OR10V1: variants seen among roughly 807,000 people sequenced by gnomAD.
The protein encoded by OR10V1 is olfactory receptor family 10 subfamily V member 1, also known as olfactory receptor 10V1.
For synonymous variants in OR10V1, 139 were observed against 148.2 expected, an observed-to-expected ratio of 0.94 and a Z score of 0.45; for missense variants, 391 against 378.8, an observed-to-expected ratio of 1.03 and a Z score of -0.27.
chr11:59,712,933 C>T lies in OR10V1; in HGVS notation c.913G>A (p.Ala305Thr), dbSNP rs779773134. 12 of 1,611,700 alleles carry T rather than the reference C, an allele frequency of 7.4e-6. No individual in the cohort carries two copies. In the Admixed American group the frequency reaches 1.0e-4, roughly 13 times the overall value. ...CATCCTACCTAGAATTTTCTCAATG[C>T]TTTCCTTAGGGCATCTTTCAGTTCC... ...NKELKDALRK[A>T]LRKF Residue 305 changes from alanine to threonine, a missense_variant, in exon 1 of 1, where the codon GCA becomes ACA. Coordinates refer to ENST00000307552, the MANE Select transcript of OR10V1 (RefSeq NM_001005324.1).
At position 59,713,744 on chromosome 11, in the gene OR10V1, C is replaced by G. The variant is rs775180802; in HGVS notation, c.102G>C (p.Met34Ile). ...CATTTCCACCGAGGCTGGTCAGATACATCATCAGGAAGACCACAAAAATCA... is the reference window on the plus strand; with the variant it reads ...CATTTCCACCGAGGCTGGTCAGATAGATCATCAGGAAGACCACAAAAATCA... ...QMLIFVVFLM[M>I]YLTSLGGNAT... Residue 34 changes from methionine to isoleucine, a missense_variant, in exon 1 of 1, where the codon ATG becomes ATC. Met to Ile is a conservative substitution (Grantham distance 10). Transcript: ENST00000307552. The G allele has an allele frequency of 6.2e-7, 1 of 1,614,146 alleles. No homozygotes were observed. The highest frequency in any genetic ancestry group is 8.5e-7 in the Non-Finnish European group (1 of 1,180,000).
chr11:59,712,931 T>G lies in OR10V1; in HGVS notation c.915A>C (p.Ala305=). The change falls in exon 1 of 1, where the codon GCA becomes GCC. Residue 305 remains alanine, a synonymous_variant. Coordinates refer to ENST00000307552, the MANE Select transcript of OR10V1 (RefSeq NM_001005324.1). ...ATCATCCTACCTAGAATTTTCTCAA[T>G]GCTTTCCTTAGGGCATCTTTCAGTT... The part of the protein sequence containing the change: ...NKELKDALRK[A]LRKF The G allele has an allele frequency of 3.7e-6, 6 of 1,611,862 alleles. No homozygotes were observed. The highest frequency in any genetic ancestry group is 5.1e-6 in the Non-Finnish European group (6 of 1,178,582).
At position 59,713,476 on chromosome 11, in the gene OR10V1, A is replaced by G. The variant is rs751019298; in HGVS notation, c.370T>C (p.Phe124Leu). 1 of 1,613,684 alleles carries G rather than the reference A, an allele frequency of 6.2e-7. No individual in the cohort carries two copies. The highest frequency in any genetic ancestry group is 8.5e-7 in the Non-Finnish European group (1 of 1,179,818). ...CGCAGAGGGTGACAGATCGCTATAA[A>G]CTGGTCATAAGCCATGACTACCAGC... is the stretch of plus-strand genomic sequence containing the variant. The part of the protein sequence containing the change: ...VLLVVMAYDQ[F>L]IAICHPLRYR... The change falls in exon 1 of 1, where the codon TTT becomes CTT. Residue 124 changes from phenylalanine to leucine, a missense_variant. Coordinates refer to ENST00000307552, the MANE Select transcript of OR10V1 (RefSeq NM_001005324.1).
Position 59,712,930 on chromosome 11 carries a change from A to G in OR10V1, c.916T>C (p.Leu306=), listed in dbSNP as rs1028857858. ...KELKDALRKA[L]RKF is the part of the protein sequence containing the mutation. ...GATCATCCTACCTAGAATTTTCTCA[A>G]TGCTTTCCTTAGGGCATCTTTCAGT... is the stretch of plus-strand genomic sequence containing the variant. Residue 306 remains leucine, a synonymous_variant, in exon 1 of 1, where the codon TTG becomes CTG. Transcript: ENST00000307552. 1.2e-6 allele frequency: 2 copies of G among 1,611,544 alleles called. No homozygotes were observed. The highest frequency in any genetic ancestry group is 1.6e-4 in the Middle Eastern group (1 of 6,064).
rs1862199257 is a variant in OR10V1 at position 59,713,342 on chromosome 11, T to C, written c.504A>G (p.Pro168=). 3 of 1,613,794 alleles carry C rather than the reference T, an allele frequency of 1.9e-6. No homozygotes were observed. The highest frequency in any genetic ancestry group is 1.7e-6 in the Non-Finnish European group (2 of 1,179,968). The change falls in exon 1 of 1, where the codon CCA becomes CCG. Residue 168 remains proline (P), a synonymous_variant. Transcript: ENST00000307552. ...LPLTILIFHL[P]FCHNDEIYHF... is the part of the protein sequence containing the mutation. Reference sequence around the variant, plus strand: ...GGTAGATCTCATCATTGTGGCAGAATGGGAGATGGAAGATTAAAATGGTGA... The same window carrying C: ...GGTAGATCTCATCATTGTGGCAGAACGGGAGATGGAAGATTAAAATGGTGA...
chr11:59,712,971 C>A lies in OR10V1; in HGVS notation c.875G>T (p.Ser292Ile). The part of the protein sequence containing the change: ...ITPILNPLIY[S>I]LRNKELKDAL... The stretch of plus-strand genomic sequence containing the variant: ...ATCTTTCAGTTCCTTGTTCCTCAAA[C>A]TATAGATCAAGGGGTTTAAAATGGG... The change falls in exon 1 of 1, where the codon AGT becomes ATT. Residue 292 changes from serine (S) to isoleucine (I), a missense_variant. Physicochemically the swap from Ser to Ile is moderately radical, Grantham distance 142 (BLOSUM62 -2). Coordinates refer to ENST00000307552, the MANE Select transcript of OR10V1 (RefSeq NM_001005324.1). The A allele has an allele frequency of 6.2e-7, 1 of 1,614,024 alleles. No individual in the cohort carries two copies.
Position 59,713,407 on chromosome 11 carries a change from C to T in OR10V1, c.439G>A (p.Val147Ile). Residue 147 changes from valine to isoleucine, a missense_variant, in exon 1 of 1, where the codon GTA becomes ATA. Val to Ile is a conservative substitution (Grantham distance 29). Coordinates refer to ENST00000307552, the MANE Select transcript of OR10V1 (RefSeq NM_001005324.1). ...MSWSLCVELL[V>I]GSLVLGFLLS... ...AGGAACCCCAGCACCAAGGAGCCTA[C>T]CAGCAGCTCCACACACAAGGACCAG... 1 of 1,613,820 alleles carries T rather than the reference C, an allele frequency of 6.2e-7. No homozygotes were observed.
In OR10V1 at chr11:59,713,688, T is replaced by A. The variant is rs145333799; in HGVS notation, c.158A>T (p.His53Leu). The A allele has an allele frequency of 4.5e-5, 73 of 1,613,998 alleles. No homozygotes were observed. The highest frequency in any genetic ancestry group is 5.8e-5 in the Non-Finnish European group (69 of 1,180,016). ...AAAGTACATGGGGGTGTGGAGGGAA[T>A]GATTGATCTGAACAATGACTGCAAT... ...ATIAVIVQIN[H>L]SLHTPMYFFL... The change falls in exon 1 of 1, where the codon CAT (histidine) becomes CTT (leucine). Residue 53 changes from histidine (H) to leucine (L), a missense_variant. His to Leu is a moderately conservative substitution (Grantham distance 99, BLOSUM62 -3). Coordinates refer to ENST00000307552, the MANE Select transcript of OR10V1 (RefSeq NM_001005324.1).
chr11:59,712,916 C>T lies in OR10V1; in HGVS notation c.930G>A (p.Ter310=). 1 of 1,601,792 alleles carries T rather than the reference C, an allele frequency of 6.2e-7. No homozygotes were observed. The highest frequency in any genetic ancestry group is 8.5e-7 in the Non-Finnish European group (1 of 1,170,604). Reference sequence around the variant, plus strand: ...TAAGTAAATCATAGGATCATCCTACCTAGAATTTTCTCAATGCTTTCCTTA... The same window carrying T: ...TAAGTAAATCATAGGATCATCCTACTTAGAATTTTCTCAATGCTTTCCTTA... ...DALRKALRKF[*] The change falls in exon 1 of 1, where the codon TAG becomes TAA. Residue 310 remains the stop codon, a stop_retained_variant. Transcript: ENST00000307552.
chr11:59,713,713 T>C lies in OR10V1; in HGVS notation c.133A>G (p.Ile45Val). 1 of 1,614,074 alleles carries C rather than the reference T, an allele frequency of 6.2e-7. No homozygotes were observed. ...TGATTGATCTGAACAATGACTGCAA[T>C]TGTAGCATTTCCACCGAGGCTGGTC... ...YLTSLGGNATIAVIVQINHSL... is the reference protein window; with the variant it reads ...YLTSLGGNATVAVIVQINHSL... Residue 45 changes from isoleucine (I) to valine (V), a missense_variant, in exon 1 of 1, where the codon ATT (isoleucine) becomes GTT (valine). Physicochemically the swap from Ile to Val is conservative, Grantham distance 29 (BLOSUM62 3). Coordinates refer to ENST00000307552, the MANE Select transcript of OR10V1 (RefSeq NM_001005324.1).
At position 59,712,981 on chromosome 11, in the gene OR10V1, AG is replaced by A. The variant is rs879080576; in HGVS notation, c.864del (p.Leu289Ter). ...TCCTTGTTCCTCAAACTATAGATCA[AG>A]GGGTTTAAAATGGGAGTGATAAATG... ...AYTFITPILN[P>X]LIYSLRNKEL... On this transcript the variant is annotated frameshift_variant, in exon 1 of 1. Coordinates refer to ENST00000307552, the MANE Select transcript of OR10V1 (RefSeq NM_001005324.1). LOFTEE classifies it high-confidence loss of function. The A allele has an allele frequency of 4.3e-6, 7 of 1,614,124 alleles. No individual in the cohort carries two copies. The South Asian group carries it at 5.5e-5, about 13-fold the overall frequency.
Position 59,713,138 on chromosome 11 carries a change from C to T in OR10V1, c.708G>A (p.Gln236=). 6.2e-7 allele frequency: 1 copy of T among 1,614,076 alleles called. No homozygotes were observed. The highest frequency in any genetic ancestry group is 2.2e-5 in the East Asian group (1 of 44,870). The part of the protein sequence containing the change: ...ILRIRSAEGR[Q]QAYSTCSSHI... ...GAGAAGAGCAGGTAGAGTAGGCTTGCTGGCGCCCTTCTGCTGACCGGATCC... is the reference window on the plus strand; with the variant it reads ...GAGAAGAGCAGGTAGAGTAGGCTTGTTGGCGCCCTTCTGCTGACCGGATCC... Residue 236 remains glutamine (Q), a synonymous_variant, in exon 1 of 1, where the codon CAG becomes CAA. Coordinates refer to ENST00000307552, the MANE Select transcript of OR10V1 (RefSeq NM_001005324.1).
At position 59,713,164 on chromosome 11, in the gene OR10V1, G is replaced by T; in HGVS notation, c.682C>A (p.Arg228=). ...TGGCGCCCTTCTGCTGACCGGATCC[G>T]TAAAATGGCTACCACGATGAAGACA... ...SYVFIVVAIL[R]IRSAEGRQQA... is the part of the protein sequence containing the mutation. Residue 228 remains arginine (R), a synonymous_variant, in exon 1 of 1, where the codon CGG becomes AGG. Transcript: ENST00000307552. 6.2e-7 allele frequency: 1 copy of T among 1,614,068 alleles called. No individual in the cohort carries two copies. Among genetic ancestry groups the T allele is most frequent in the Non-Finnish European group, 8.5e-7 (1 of 1,179,990 alleles).
Position 59,713,379 on chromosome 11 carries a change from A to G in OR10V1, c.467T>C (p.Leu156Ser). ...GATTAAAATGGTGAGTGGCAGTGAC[A>G]ACAGGAACCCCAGCACCAAGGAGCC... ...LVGSLVLGFLLSLPLTILIFH... is the reference protein window; with the variant it reads ...LVGSLVLGFLSSLPLTILIFH... The change falls in exon 1 of 1, where the codon TTG becomes TCG. Residue 156 changes from leucine to serine, a missense_variant. By Grantham distance (145) the Leu-to-Ser change is moderately radical. Transcript: ENST00000307552. The G allele has an allele frequency of 6.2e-7, 1 of 1,613,920 alleles. No individual in the cohort carries two copies. Among genetic ancestry groups the G allele is most frequent in the Non-Finnish European group, 8.5e-7 (1 of 1,180,006 alleles).
chr11:59,713,064 A>C lies in OR10V1; in HGVS notation c.782T>G (p.Leu261Trp). 1 of 1,614,166 alleles carries C rather than the reference A, an allele frequency of 6.2e-7. No homozygotes were observed. The highest frequency in any genetic ancestry group is 1.3e-5 in the African/African-American group (1 of 75,054). ...AGGAGAGTAGCTGGAACTGGGGGAC[A>C]AGTATATAAAGCTGGTGCAGCCATA... is the stretch of plus-strand genomic sequence containing the variant. ...LQYGCTSFIY[L>W]SPSSSYSPEM... The change falls in exon 1 of 1, where the codon TTG (leucine) becomes TGG (tryptophan). Residue 261 changes from leucine to tryptophan, a missense_variant. Leu to Trp is a moderately conservative substitution (Grantham distance 61, BLOSUM62 -2). Transcript: ENST00000307552.
In OR10V1 at chr11:59,713,789, A is replaced by G. The variant is rs1249516509; in HGVS notation, c.57T>C (p.Pro19=). 4 of 1,613,968 alleles carry G rather than the reference A, an allele frequency of 2.5e-6. No homozygotes were observed. Among genetic ancestry groups the G allele is most frequent in the Non-Finnish European group, 3.4e-6 (4 of 1,179,986 alleles). The part of the protein sequence containing the change: ...KMQFFFRPFS[P]DPEVQMLIFV... ...AAATCAGCATCTGGACCTCAGGGTC[A>G]GGTGAGAATGGACGAAAGAAAAACT... The change falls in exon 1 of 1, where the codon CCT becomes CCC. Residue 19 remains proline, a synonymous_variant. Coordinates refer to ENST00000307552, the MANE Select transcript of OR10V1 (RefSeq NM_001005324.1).
chr11:59,713,253 G>A lies in OR10V1; in HGVS notation c.593C>T (p.Thr198Ile). 1 of 1,614,156 alleles carries A rather than the reference G, an allele frequency of 6.2e-7. No homozygotes were observed. Among genetic ancestry groups the A allele is most frequent in the Non-Finnish European group, 8.5e-7 (1 of 1,180,014 alleles). The change falls in exon 1 of 1, where the codon ACT becomes ATT. Residue 198 changes from threonine to isoleucine, a missense_variant. Physicochemically the swap from Thr to Ile is moderately conservative, Grantham distance 89. Coordinates refer to ENST00000307552, the MANE Select transcript of OR10V1 (RefSeq NM_001005324.1). Reference sequence around the variant, plus strand: ...GATGAAGCTGATGATATACAGAGCAGTCTTGTGAACGCGTGTGTCTGCACA... The same window carrying A: ...GATGAAGCTGATGATATACAGAGCAATCTTGTGAACGCGTGTGTCTGCACA... ...LACADTRVHKTALYIISFIVL... is the reference protein window; with the variant it reads ...LACADTRVHKIALYIISFIVL...
chr11:59,713,431 A>G lies in OR10V1; in HGVS notation c.415T>C (p.Trp139Arg), dbSNP rs574849533. The G allele has an allele frequency of 7.4e-6, 12 of 1,613,840 alleles. No homozygotes were observed. The East Asian group carries it at 2.7e-4, about 36-fold the overall frequency. Reference sequence around the variant, plus strand: ...ACCAGCAGCTCCACACACAAGGACCAGCTCATGATGAGCCTGTATCGCAGA... The same window carrying G: ...ACCAGCAGCTCCACACACAAGGACCGGCTCATGATGAGCCTGTATCGCAGA... ...HPLRYRLIMSWSLCVELLVGS... is the reference protein window; with the variant it reads ...HPLRYRLIMSRSLCVELLVGS... Residue 139 changes from tryptophan (W) to arginine (R), a missense_variant, in exon 1 of 1, where the codon TGG becomes CGG. Transcript: ENST00000307552.
Position 59,713,264 on chromosome 11 carries a change from G to A in OR10V1, c.582C>T (p.Arg194=), listed in dbSNP as rs377363304. The A allele has an allele frequency of 1.2e-5, 20 of 1,613,948 alleles. No individual in the cohort carries two copies. Among genetic ancestry groups the A allele is most frequent in the Middle Eastern group, 1.6e-4 (1 of 6,084 alleles). ...AVMRLACADT[R]VHKTALYIIS... ...TGATATACAGAGCAGTCTTGTGAACGCGTGTGTCTGCACAAGCCAGGCGCA... is the reference window on the plus strand; with the variant it reads ...TGATATACAGAGCAGTCTTGTGAACACGTGTGTCTGCACAAGCCAGGCGCA... Residue 194 remains arginine, a synonymous_variant, in exon 1 of 1, where the codon CGC becomes CGT. Transcript: ENST00000307552.
Sources: gnomAD v4.1 joint callset for allele counts on GRCh38, gnomAD v4.1.1 for gene constraint, MANE v1.5 for transcripts, NCBI Gene and HGNC (gene_info 2026-07-23, HGNC 2026-07-21) for gene names.